Variants in CNTN1 observed in about 807,000 individuals in gnomAD.
CNTN1 encodes the protein contactin 1.
In CNTN1, 38 loss-of-function variants were observed where a neutral mutation model predicts 126.4. The ratio of observed to expected loss-of-function variants is 0.30; its 90% confidence interval spans 0.23 to 0.39. The LOEUF is 0.39. Ranked by LOEUF, CNTN1 falls within the 10% of genes least tolerant of loss-of-function variation. The pLI, the probability that CNTN1 is intolerant of heterozygous loss-of-function variation, is 1.00. For missense variants in CNTN1, 1,009 were observed against 1,248.4 expected (o/e 0.81, Z 2.89); for synonymous variants, 413 against 422.6 (o/e 0.98, Z 0.28).
intron 1 of CNTN1, among the ~76,000 whole-genome samples, chr12:40,884,770 A>G (rs1943975713): frequency 6.6e-6 from 1 of 151,640 alleles, no homozygotes; most frequent in Non-Finnish European, 1.5e-5. Flanking sequence ...AGTCTTTCAT[A>G]TATTAACTGC....
chr12:40,878,441 G>A (rs984870906), intron 1 of CNTN1, among the ~76,000 whole-genome samples: 3 of 150,758 alleles, frequency 2.0e-5, no homozygotes, highest in Admixed American at 6.6e-5. Flanking sequence ...CATATAGAAA[G>A]CAAGTCAATT....
At chr12:40,916,827 A>G (rs1307697869) in intron 3 of CNTN1, among the ~76,000 whole-genome samples, 1 of 152,024 alleles carries the variant, frequency 6.6e-6, no homozygotes, top group African/African-American at 2.4e-5. Context: ...GCCTAAGACA[A>G]TAACTAGAAA....
At chr12:41,065,772 T>C (rs1181956313) in intron 23 of CNTN1, among the ~76,000 whole-genome samples, 13 of 152,238 alleles carry the variant, frequency 8.5e-5, no homozygotes, top group Admixed American at 8.5e-4. Context: ...GAGGTCATGA[T>C]GGCATTCTAC....
At chr12:40,986,686 A>T (rs278917) in intron 16 of CNTN1, among the ~76,000 whole-genome samples, 1 of 151,960 alleles carries the variant, frequency 6.6e-6, no homozygotes, top group Middle Eastern at 3.4e-3. Flanking sequence ...CTGTCCCTCA[A>T]GGGGAAGCAG....
intron 1 of CNTN1, among the ~76,000 whole-genome samples, chr12:40,701,132 G>A (rs1048997525): frequency 1.3e-5 from 2 of 152,172 alleles, no homozygotes; most frequent in Admixed American, 6.5e-5. Context: ...TATTCTAAGT[G>A]ACCGGAATCT....
intron 14 of CNTN1, among the ~76,000 whole-genome samples, chr12:40,958,377 G>GTGTATGTA (rs370782392): frequency 1.6e-5 from 2 of 124,350 alleles, no homozygotes; most frequent in African/African-American, 2.8e-5. Context: ...GTGTGTGTGT[G>GTGTATGTA]TGTATGTATG....
chr12:40,942,607 G>A (rs1248503596), intron 12 of CNTN1, among the ~76,000 whole-genome samples: 11 of 152,072 alleles, frequency 7.2e-5, no homozygotes, highest in Admixed American at 2.6e-4. Context: ...TGAGTACGGC[G>A]TCTGGGACAG....
intron 1 of CNTN1, among the ~76,000 whole-genome samples, chr12:40,804,491 G>A (rs376608594): frequency 1.3e-5 from 2 of 152,112 alleles, no homozygotes. Context: ...TATTCCACTG[G>A]TACAAGAGCA....
rs546864222 is a variant in CNTN1 at position 41,056,934 on chromosome 12, TA to T, written c.2981-13022del. Among the ~76,000 whole-genome samples the T allele has an allele frequency of 6.6e-4, 67 of 100,898 alleles. 3 individuals are homozygous for T. Among genetic ancestry groups the T allele is most frequent in the African/African-American group, 2.6e-3 (62 of 23,506 alleles). 66.2% of individuals were successfully genotyped at this position (100,898 alleles called of 152,430 possible). On this transcript the variant is annotated intron_variant, in intron 23 of 23. Transcript: ENST00000551295. ...AATATTTATAATATTTAGATATTTA[TA>T]AATATTTATAATATTTAGATATTTA...
intron 1 of CNTN1, among the ~76,000 whole-genome samples, chr12:40,833,989 A>T (rs1941953399): frequency 6.6e-6 from 1 of 152,242 alleles, no homozygotes; most frequent in Middle Eastern, 3.2e-3. Context: ...CCTAACAAAA[A>T]TAAATTCTGT....
chr12:40,851,146 A>T (rs1015302303), intron 1 of CNTN1, among the ~76,000 whole-genome samples: 4 of 152,194 alleles, frequency 2.6e-5, no homozygotes, highest in Non-Finnish European at 4.4e-5. Flanking sequence ...GACTTCTGAT[A>T]GTGGTAGTAA....
intron 1 of CNTN1, among the ~76,000 whole-genome samples, chr12:40,839,364 C>A (rs1009424234): frequency 6.6e-6 from 1 of 152,042 alleles, no homozygotes; most frequent in South Asian, 2.1e-4. Flanking sequence ...AACTGTTTAA[C>A]GAAATGATAG....
chr12:41,038,740 G>T (rs1949327308), intron 23 of CNTN1, among the ~76,000 whole-genome samples: 1 of 151,972 alleles, frequency 6.6e-6, no homozygotes, highest in Non-Finnish European at 1.5e-5. Context: ...AAAGCGAGGA[G>T]GCAAAATAAA....
chr12:41,029,322 TTTTC>T, intron 23 of CNTN1, 103 bp downstream of exon 23: 1 of 1,286,724 alleles, frequency 7.8e-7, no homozygotes, highest in Non-Finnish European at 1.1e-6. Context: ...AGTGTCCATA[TTTTC>T]CTAAGTAGAT....
intron 18 of CNTN1, among the ~76,000 whole-genome samples, chr12:41,016,385 G>A (rs1948781204): frequency 6.6e-6 from 1 of 152,110 alleles, no homozygotes; most frequent in Admixed American, 6.6e-5. Flanking sequence ...AAAGTGAGGG[G>A]GTGGGAGGAG....
chr12:40,989,524 T>A (rs1449990770), intron 16 of CNTN1, among the ~76,000 whole-genome samples: 1 of 152,078 alleles, frequency 6.6e-6, no homozygotes, highest in African/African-American at 2.4e-5. Flanking sequence ...TATTATGTGG[T>A]GGGGCAAGGT....
At position 40,841,980 on chromosome 12, in the gene CNTN1, A is replaced by G. The variant is rs78681792; in HGVS notation, c.-76-66377A>G. Reference sequence around the variant, plus strand: ...GTAATAAAAGTATTCATTGCCCCATAAATTTATACAAATTTTTTTTAAAAA... The same window carrying G: ...GTAATAAAAGTATTCATTGCCCCATGAATTTATACAAATTTTTTTTAAAAA... On this transcript the variant is annotated intron_variant, in intron 1 of 23. Transcript: ENST00000551295. Among the ~76,000 whole-genome samples, 1,358 of 149,680 alleles carry G rather than the reference A, an allele frequency of 9.1e-3. 19 individuals carry two copies. The highest frequency in any genetic ancestry group is 0.031 in the African/African-American group (1,287 of 40,960).
At chr12:41,056,231 C>T (rs933395164) in intron 23 of CNTN1, among the ~76,000 whole-genome samples, 1 of 152,090 alleles carries the variant, frequency 6.6e-6, no homozygotes, top group African/African-American at 2.4e-5. Flanking sequence ...AATAGCAATG[C>T]ACTCTGTATC....
At position 41,014,274 on chromosome 12, in the gene CNTN1, C is replaced by T; in HGVS notation, c.2160C>T (p.Asn720=). 6.2e-7 allele frequency: 1 copy of T among 1,613,924 alleles called. No individual in the cohort carries two copies. Among genetic ancestry groups the T allele is most frequent in the Non-Finnish European group, 8.5e-7 (1 of 1,179,868 alleles). Residue 720 remains asparagine (N), a synonymous_variant, in exon 18 of 24, where the codon AAC becomes AAT. Transcript: ENST00000551295. ...PSDVGGGGGR[N]RELTITWAPL... is the part of the protein sequence containing the mutation. ...ATGTAGGAGGTGGAGGTGGAAGAAA[C>T]AGAGAGCTGACCATAACATGGGCGG...
Sources: gnomAD v4.1 joint callset for allele counts (sites outside exome capture counted in the v4.1 genomes callset) on GRCh38, gnomAD v4.1.1 for gene constraint, MANE v1.5 for transcripts, NCBI Gene and HGNC (gene_info 2026-07-23, HGNC 2026-07-21) for gene names.